The following SASS6 variants were observed in gnomAD, a reference collection of about 807,000 sequenced individuals.
SASS6 encodes SAS-6 centriolar assembly protein, also known as spindle assembly abnormal protein 6 homolog.
Under a neutral mutation model 94.9 loss-of-function variants are expected in SASS6, and 59 were observed. That is an observed-to-expected ratio of 0.62 (90% CI 0.50 to 0.77). The LOEUF is 0.77. Among genes scored for constraint, SASS6 ranks in the 30% least tolerant of loss-of-function variants. The pLI, the probability that SASS6 is intolerant of heterozygous loss-of-function variation, is 0.00. For missense variants in SASS6, 698 were observed against 734.1 expected, an observed-to-expected ratio of 0.95 and a Z score of 0.57; for synonymous variants, 264 against 270.0, an observed-to-expected ratio of 0.98 and a Z score of 0.22.
In SASS6 at chr1:100,132,621, T is replaced by C. The variant is rs917430748; in HGVS notation, c.65+129A>G. The C allele has an allele frequency of 1.2e-5, 10 of 810,744 alleles. No individual in the cohort carries two copies. The African/African-American group carries it at 1.5e-4, about 12-fold the overall frequency. 50.2% of individuals were successfully genotyped at this position (810,744 alleles called of 1,614,324 possible). ...TAACCACCGGGCCCTCTGGGTTCCCTATCCGCTTCCTAGGGGGGCCGACTC... is the reference window on the plus strand; with the variant it reads ...TAACCACCGGGCCCTCTGGGTTCCCCATCCGCTTCCTAGGGGGGCCGACTC... On this transcript the variant is annotated intron_variant, in intron 1 of 16. Transcript: ENST00000287482.
At chr1:100,123,871 C>T (rs1028977430) in intron 2 of SASS6, among the ~76,000 whole-genome samples, 5 of 152,294 alleles carry the variant, frequency 3.3e-5, no homozygotes, top group Non-Finnish European at 4.4e-5. Context: ...GAAGTAAGTA[C>T]CTTTCATAAA....
At position 100,088,149 on chromosome 1, in the gene SASS6, C is replaced by T. The variant is rs1466505386; in HGVS notation, c.1762G>A (p.Asp588Asn). 6.4e-7 allele frequency: 1 copy of T among 1,568,826 alleles called. No individual in the cohort carries two copies. The highest frequency in any genetic ancestry group is 8.8e-7 in the Non-Finnish European group (1 of 1,140,034). ...GATISMPCST[D>N]KENGENVGLE... ...TCATTAAGCACTTACTTTTCCTTAT[C>T]AGTTGAGCAAGGCATACTAATAGTT... Residue 588 changes from aspartate to asparagine, a missense_variant, in exon 15 of 17, where the codon GAT (aspartate) becomes AAT (asparagine). Coordinates refer to ENST00000287482, the MANE Select transcript of SASS6 (RefSeq NM_194292.3).
intron 12 of SASS6, among the ~76,000 whole-genome samples, chr1:100,106,629 A>G (rs1209476841): frequency 6.6e-6 from 1 of 152,168 alleles, no homozygotes; most frequent in Non-Finnish European, 1.5e-5. Flanking sequence ...AGGCGGGTGG[A>G]TCACTTGAGC....
At chr1:100,086,406 C>A (rs1169202079) in intron 15 of SASS6, among the ~76,000 whole-genome samples, 1 of 151,948 alleles carries the variant, frequency 6.6e-6, no homozygotes, top group Non-Finnish European at 1.5e-5. Flanking sequence ...AACTCAAAAT[C>A]ACTGAACAGT....
chr1:100,088,281 T>TA (rs760662731), intron 14 of SASS6, 45 bp from the exon 15 acceptor site: 2 of 960,470 alleles, frequency 2.1e-6, no homozygotes, highest in Non-Finnish European at 3.4e-6. Context: ...TATATAGAAG[T>TA]AGACAGTTTT....
intron 1 of SASS6, among the ~76,000 whole-genome samples, chr1:100,131,647 C>T (rs779832533): frequency 8.5e-5 from 13 of 152,178 alleles, no homozygotes; most frequent in Non-Finnish European, 1.3e-4. Flanking sequence ...ATCAACTAAA[C>T]CTACAGATCT....
rs1174053785 is a variant in SASS6 at position 100,121,414 on chromosome 1, T to C, written c.447A>G (p.Ile149Met). 6.3e-7 allele frequency: 1 copy of C among 1,586,380 alleles called. No homozygotes were observed. ...TCAAACAGCCTGCGAGAAATTTCTT[T>C]ATCTCCACATCATTTCCAGGTAAAA... ...LKLLPGNDVE[I>M]KKFLAGCLKC... The change falls in exon 5 of 17, where the codon ATA becomes ATG. Residue 149 changes from isoleucine to methionine, a missense_variant. Ile to Met is a conservative substitution (Grantham distance 10). Transcript: ENST00000287482.
At chr1:100,115,901 T>A (rs1653766581) in intron 7 of SASS6, among the ~76,000 whole-genome samples, 1 of 152,290 alleles carries the variant, frequency 6.6e-6, no homozygotes, top group Admixed American at 6.5e-5. Context: ...GTCAAAAAAA[T>A]TCTACCTTAT....
At chr1:100,128,099 C>T (rs1342662854) in intron 1 of SASS6, among the ~76,000 whole-genome samples, 4 of 151,962 alleles carry the variant, frequency 2.6e-5, no homozygotes, top group African/African-American at 9.7e-5. Context: ...TGCAATGGTG[C>T]GATCTTGGCT....
chr1:100,096,120 T>A (rs1196622090), intron 14 of SASS6, among the ~76,000 whole-genome samples: 1 of 152,200 alleles, frequency 6.6e-6, no homozygotes, highest in Non-Finnish European at 1.5e-5. Context: ...GTCTGTAGAT[T>A]TATACTACTG....
At chr1:100,116,430 CAA>C (rs1383871910) in intron 7 of SASS6, among the ~76,000 whole-genome samples, 2 of 152,122 alleles carry the variant, frequency 1.3e-5, no homozygotes, top group Non-Finnish European at 2.9e-5. Context: ...CATAGAATGG[CAA>C]TGTAAACCGG....
At chr1:100,124,858 T>A (rs1654456791) in intron 2 of SASS6, among the ~76,000 whole-genome samples, 1 of 152,204 alleles carries the variant, frequency 6.6e-6, no homozygotes, top group Non-Finnish European at 1.5e-5. Flanking sequence ...TGAGATCCCT[T>A]GCATGTACAG....
intron 14 of SASS6, among the ~76,000 whole-genome samples, chr1:100,101,237 A>T (rs1336014669): frequency 2.6e-5 from 4 of 152,152 alleles, no homozygotes; most frequent in African/African-American, 9.7e-5. Flanking sequence ...ACCAATAATT[A>T]TACGGCATAT....
intron 14 of SASS6, among the ~76,000 whole-genome samples, chr1:100,101,313 G>A (rs1017118485): frequency 6.7e-5 from 10 of 150,002 alleles, no homozygotes; most frequent in African/African-American, 2.2e-4. Context: ...AGATGAGAGC[G>A]CAAATTGTTC....
intron 3 of SASS6, 40 bp from the exon 4 acceptor site, chr1:100,122,524 A>C: frequency 1.2e-6 from 1 of 825,186 alleles, no homozygotes. Flanking sequence ...TAAAAATTTT[A>C]ATTAACTTTG....
intron 14 of SASS6, among the ~76,000 whole-genome samples, chr1:100,088,779 G>A (rs1385862668): frequency 2.0e-5 from 3 of 151,030 alleles, no homozygotes; most frequent in African/African-American, 7.3e-5. Flanking sequence ...GGGTTACAGT[G>A]AGTTATGATC....
chr1:100,092,359 GA>G (rs1317277147), intron 14 of SASS6, among the ~76,000 whole-genome samples: 2 of 152,108 alleles, frequency 1.3e-5, no homozygotes, highest in African/African-American at 4.8e-5. Flanking sequence ...TATCATTTGG[GA>G]AAGGTAAAAG....
Position 100,107,950 on chromosome 1 carries a change from G to A in SASS6, c.916C>T (p.Leu306=). Residue 306 remains leucine (L), a synonymous_variant, in exon 9 of 17, where the codon CTA becomes TTA. Transcript: ENST00000287482. ...TCTTTCTCGTGGCATTCAACATCTA[G>A]TGTAGAATTCTCTCTTCGCAAAGAG... ...VLSLRRENST[L]DVECHEKEKH... is the part of the protein sequence containing the mutation. 6.2e-7 allele frequency: 1 copy of A among 1,611,940 alleles called. No individual in the cohort carries two copies. Among genetic ancestry groups the A allele is most frequent in the Non-Finnish European group, 8.5e-7 (1 of 1,178,462 alleles).
At position 100,132,829 on chromosome 1, in the gene SASS6, T is replaced by G. The variant is rs1160170719; in HGVS notation, c.-15A>C. On this transcript the variant is annotated 5_prime_UTR_variant, in exon 1 of 17. Coordinates refer to ENST00000287482, the MANE Select transcript of SASS6 (RefSeq NM_194292.3). Reference sequence around the variant, plus strand: ...ACTTGGCTCATGTTGGCTCGCTGCCTCGGCTGGTGTGCAGAAAAGCCCAAC... The same window carrying G: ...ACTTGGCTCATGTTGGCTCGCTGCCGCGGCTGGTGTGCAGAAAAGCCCAAC... The G allele has an allele frequency of 6.2e-7, 1 of 1,612,866 alleles. No individual in the cohort carries two copies. The highest frequency in any genetic ancestry group is 1.3e-5 in the African/African-American group (1 of 74,898).
Sources: gnomAD v4.1 joint callset for allele counts (sites outside exome capture counted in the v4.1 genomes callset) on GRCh38, gnomAD v4.1.1 for gene constraint, MANE v1.5 for transcripts, NCBI Gene and HGNC (gene_info 2026-07-23, HGNC 2026-07-21) for gene names.